Variants in TRPV4 observed in about 807,000 individuals in gnomAD.
The protein encoded by TRPV4 is OSM9-like transient receptor potential channel 4.
In TRPV4, 58 loss-of-function variants were observed where a neutral mutation model predicts 84.1. The ratio of observed to expected loss-of-function variants is 0.69; its 90% CI spans 0.56 to 0.86. The LOEUF (loss-of-function observed/expected upper bound fraction) is 0.86, where lower values mean the gene tolerates loss of function less well. Among genes scored for constraint, TRPV4 ranks in the 40% least tolerant of loss-of-function variants. The pLI is 0.00. For missense variants in TRPV4, 879 were observed against 1,181.1 expected (o/e 0.74, Z 3.75); for synonymous variants, 489 against 500.9 (o/e 0.98, Z 0.32).
At chr12:109,827,691 C>T (rs1337260827) in intron 1 of TRPV4, among the ~76,000 whole-genome samples, 4 of 151,864 alleles carry the variant, frequency 2.6e-5, no homozygotes, top group Non-Finnish European at 5.9e-5. Context: ...CATAGACATT[C>T]ACATACACAC....
In TRPV4 at chr12:109,815,654, C is replaced by T. The variant is rs1195941300; in HGVS notation, c.-31-827G>A. 6.6e-6 allele frequency among the ~76,000 whole-genome samples: 1 copy of T among 152,252 alleles called. No individual in the cohort carries two copies. The highest frequency in any genetic ancestry group is 1.9e-4 in the East Asian group (1 of 5,204). On this transcript the variant is annotated intron_variant, in intron 1 of 15. Coordinates refer to ENST00000261740, the MANE Select transcript of TRPV4 (RefSeq NM_021625.5). This position sits in a 1 kb window ranked among gnomAD's most constrained non-coding sequence, Gnocchi z 4.1. The stretch of plus-strand genomic sequence containing the variant: ...CACACACTCGCTCCCAGGATCCATG[C>T]TCCTCTCCTCAGAAGCTTTATCCCA...
At chr12:109,829,525 C>T (rs1456399553) in intron 1 of TRPV4, among the ~76,000 whole-genome samples, 3 of 152,266 alleles carry the variant, frequency 2.0e-5, no homozygotes, top group Non-Finnish European at 4.4e-5. Flanking sequence ...ACCTTCCACC[C>T]ACCCACCTGG....
rs550566800 is a variant in TRPV4, at chr12:109,814,058, A to T, written c.386+353T>A. On this transcript the variant is annotated intron_variant, in intron 2 of 15. Transcript: ENST00000261740. The surrounding 1 kb of genome is among the most constrained non-coding windows in gnomAD (Gnocchi z 5.4). ...ATGGATGGATGTATGGATGGATGATATATGGATGGATGATATATGGATGGA... is the reference window on the plus strand; with the variant it reads ...ATGGATGGATGTATGGATGGATGATTTATGGATGGATGATATATGGATGGA... Among the ~76,000 whole-genome samples, 1 of 140,396 alleles carries T rather than the reference A, an allele frequency of 7.1e-6. No homozygotes were observed. The highest frequency in any genetic ancestry group is 3.1e-5 in the African/African-American group (1 of 32,504). The allele number at this position is 140,396 out of a possible 152,430, so 92.1% of individuals were successfully genotyped here. A position where few individuals can be genotyped will look rare whatever the true frequency, so the allele number is the denominator to read the frequency against.
intron 2 of TRPV4, among the ~76,000 whole-genome samples, chr12:109,811,749 G>A (rs1053895401): frequency 2.0e-5 from 3 of 152,008 alleles, no homozygotes; most frequent in African/African-American, 4.8e-5. Flanking sequence ...GGGCTGTGAA[G>A]GTGAATCGGC....
chr12:109,818,948 C>A lies in TRPV4; in HGVS notation c.-31-4121G>T, dbSNP rs1291119039. Among the ~76,000 whole-genome samples, 3 of 152,298 alleles carry A rather than the reference C, an allele frequency of 2.0e-5. No homozygotes were observed. The East Asian group carries it at 5.8e-4, about 29-fold the overall frequency. On this transcript the variant is annotated intron_variant, in intron 1 of 15. Coordinates refer to ENST00000261740, the MANE Select transcript of TRPV4 (RefSeq NM_021625.5). ...CACTTTACAGCTAAGGAAACGGAGG[C>A]TCTGAGAGGCCAGCTAGGGAGCAAA...
intron 1 of TRPV4, among the ~76,000 whole-genome samples, chr12:109,829,588 C>T (rs1313670568): frequency 1.3e-5 from 2 of 152,180 alleles, no homozygotes; most frequent in Non-Finnish European, 2.9e-5. Context: ...GAAAACATGC[C>T]CTGGAATGGG....
At chr12:109,806,358 CTTT>C (rs60159775) in intron 3 of TRPV4, among the ~76,000 whole-genome samples, 2 of 115,558 alleles carry the variant, frequency 1.7e-5, no homozygotes, top group African/African-American at 3.4e-5. Flanking sequence ...CTAAGCCTGG[CTTT>C]TTTTTTTTTT....
At chr12:109,792,937 C>A in intron 10 of TRPV4, 120 bp from the exon 11 acceptor site, 1 of 988,744 alleles carries the variant, frequency 1.0e-6, no homozygotes, top group South Asian at 1.5e-5. Context: ...CCTTCTAGAC[C>A]CCCAGAAAAG....
Position 109,818,233 on chromosome 12 carries a change from C to T in TRPV4, c.-31-3406G>A, listed in dbSNP as rs114941366. Among the ~76,000 whole-genome samples, 1,064 of 152,230 alleles carry T rather than the reference C, an allele frequency of 7.0e-3. 19 individuals are homozygous for T. Among genetic ancestry groups the T allele is most frequent in the African/African-American group, 0.025 (1,026 of 41,542 alleles). ...CAGGGAGGAGAGGGGGAAGGCCTCC[C>T]CACCAGGAAGCTCGGCCACCTCACC... On this transcript the variant is annotated intron_variant, in intron 1 of 15. Transcript: ENST00000261740.
At chr12:109,785,877 A>G (rs953042448) in intron 14 of TRPV4, among the ~76,000 whole-genome samples, 1 of 152,020 alleles carries the variant, frequency 6.6e-6, no homozygotes, top group African/African-American at 2.4e-5. Context: ...CTACAAAAAA[A>G]TTAAAAATTG....
At chr12:109,818,217 G>T (rs898822864) in intron 1 of TRPV4, among the ~76,000 whole-genome samples, 2 of 152,160 alleles carry the variant, frequency 1.3e-5, no homozygotes, top group Non-Finnish European at 2.9e-5. Flanking sequence ...CCAGGGAGGA[G>T]AGGGGGAAGG....
intron 1 of TRPV4, among the ~76,000 whole-genome samples, chr12:109,827,380 T>C (rs1411005312): frequency 6.6e-6 from 1 of 152,084 alleles, no homozygotes; most frequent in Non-Finnish European, 1.5e-5. Context: ...CAGTCACTCA[T>C]TCCTTCCTTC....
Position 109,786,851 on chromosome 12 carries a change from G to A in TRPV4, c.2209-14C>T. The A allele has an allele frequency of 1.2e-6, 2 of 1,613,556 alleles. No individual in the cohort carries two copies. The highest frequency in any genetic ancestry group is 8.5e-7 in the Non-Finnish European group (1 of 1,179,890). ...GGTGGTGGCCCACTGCGGGGAGGGA[G>A]GGTCAGGAGGGACATCGGTGAGCCT... On this transcript the variant is annotated splice_polypyrimidine_tract_variant and intron_variant, in intron 13 of 15. Coordinates refer to ENST00000261740, the MANE Select transcript of TRPV4 (RefSeq NM_021625.5). This position sits in a 1 kb window ranked among gnomAD's most constrained non-coding sequence, Gnocchi z 4.5.
intron 1 of TRPV4, among the ~76,000 whole-genome samples, chr12:109,830,021 G>T (rs1236873081): frequency 2.6e-5 from 4 of 152,170 alleles, no homozygotes; most frequent in Non-Finnish European, 5.9e-5. Context: ...TCACCATGTT[G>T]CCCAGGCTGG....
At chr12:109,808,106 G>A (rs995005293) in intron 3 of TRPV4, among the ~76,000 whole-genome samples, 190 bp downstream of exon 3, 5 of 152,220 alleles carry the variant, frequency 3.3e-5, no homozygotes, top group African/African-American at 1.2e-4. Flanking sequence ...AATGGAGGTA[G>A]CTGAGGCACA....
chr12:109,794,567 C>T, intron 7 of TRPV4, 80 bp from the exon 8 acceptor site: 2 of 1,445,090 alleles, frequency 1.4e-6, no homozygotes, highest in Non-Finnish European at 1.9e-6. Context: ...GTGTGCCTTC[C>T]CCCACCCTCC....
At chr12:109,819,237 G>C (rs1226856205) in intron 1 of TRPV4, among the ~76,000 whole-genome samples, 1 of 152,210 alleles carries the variant, frequency 6.6e-6, no homozygotes, top group Non-Finnish European at 1.5e-5. Flanking sequence ...AGTTTTAGGA[G>C]GGAGGGAAGT....
At chr12:109,819,943 T>C (rs142163591) in intron 1 of TRPV4, among the ~76,000 whole-genome samples, 1 of 152,300 alleles carries the variant, frequency 6.6e-6, no homozygotes, top group African/African-American at 2.4e-5. Context: ...CTTTAGAATA[T>C]ATATACTGAA....
At chr12:109,817,843 G>A (rs1891927058) in intron 1 of TRPV4, among the ~76,000 whole-genome samples, 1 of 152,188 alleles carries the variant, frequency 6.6e-6, no homozygotes, top group East Asian at 1.9e-4. Flanking sequence ...CAACTGTACA[G>A]GAGAGGGAGC....
Sources: allele counts gnomAD v4.1 joint callset (sites outside exome capture counted in the v4.1 genomes callset), GRCh38; gene constraint gnomAD v4.1.1; non-coding constraint Gnocchi (gnomAD v3.1); transcripts MANE v1.5; gene names NCBI Gene and HGNC (gene_info 2026-07-23, HGNC 2026-07-21).